Variants in LRMDA observed in about 807,000 individuals in gnomAD.
The protein encoded by LRMDA is leucine rich melanocyte differentiation associated, also known as leucine-rich melanocyte differentiation-associated protein.
In LRMDA, 18 loss-of-function variants were observed where a neutral mutation model predicts 29.8. The observed-to-expected ratio is 0.60, with a 90% CI of 0.42 to 0.90. LRMDA has a LOEUF of 0.90. Among genes scored for constraint, LRMDA ranks in the 40% least tolerant of loss-of-function variants. The pLI is 0.00. For synonymous variants in LRMDA, 125 were observed against 109.4 expected (o/e 1.14, Z -0.89); for missense variants, 273 against 273.9 (o/e 1.00, Z 0.02).
intron 5 of LRMDA, among the ~76,000 whole-genome samples, chr10:76,090,177 G>A (rs944844826): frequency 6.6e-6 from 1 of 152,216 alleles, no homozygotes; most frequent in Non-Finnish European, 1.5e-5. Flanking sequence ...CAGCCCCTCC[G>A]AGCAGTGAGG....
At chr10:76,482,735 T>C (rs1842744073) in intron 6 of LRMDA, among the ~76,000 whole-genome samples, 2 of 151,992 alleles carry the variant, frequency 1.3e-5, no homozygotes, top group Admixed American at 1.3e-4. Flanking sequence ...TGTGCATTTG[T>C]TCAGCATTAG....
At chr10:75,502,439 A>G (rs1165844402) in intron 2 of LRMDA, among the ~76,000 whole-genome samples, 2 of 140,162 alleles carry the variant, frequency 1.4e-5, no homozygotes. Context: ...TTTTTTTTTT[A>G]TTGATCTCTG....
chr10:75,700,256 GTTT>G (rs34497500), intron 2 of LRMDA, among the ~76,000 whole-genome samples: 1,602 of 140,578 alleles, frequency 0.011, 27 homozygotes, highest in African/African-American at 0.036. Flanking sequence ...CTTTGTGTGA[GTTT>G]TTTTTTTTTT....
In LRMDA at chr10:76,063,762, G is replaced by A. The variant is rs1848741040; in HGVS notation, c.516+4979G>A. 3.9e-5 allele frequency among the ~76,000 whole-genome samples: 6 copies of A among 152,270 alleles called. No individual in the cohort carries two copies. The South Asian group carries it at 1.2e-3, about 32-fold the overall frequency. On this transcript the variant is annotated intron_variant, in intron 5 of 6. Coordinates refer to ENST00000611255, the MANE Select transcript of LRMDA (RefSeq NM_001305581.2). ...TCCCACAAATACCCTACATAGTCCT[G>A]CCATTGACTCTTGGAGTTAGGTCCT... is the stretch of plus-strand genomic sequence containing the variant.
chr10:75,475,661 C>T (rs1361029829), intron 2 of LRMDA, among the ~76,000 whole-genome samples: 1 of 152,178 alleles, frequency 6.6e-6, no homozygotes, highest in East Asian at 1.9e-4. Flanking sequence ...AGAATCCTCT[C>T]GTGTTATTTA....
intron 2 of LRMDA, among the ~76,000 whole-genome samples, chr10:75,655,137 A>C (rs1841651887): frequency 6.6e-6 from 1 of 152,228 alleles, no homozygotes; most frequent in African/African-American, 2.4e-5. Context: ...CGACATTTTA[A>C]CGGGTACATG....
At chr10:76,353,330 TTGTGTGTGTGTG>T (rs3998122) in intron 6 of LRMDA, among the ~76,000 whole-genome samples, 15 of 146,190 alleles carry the variant, frequency 1.0e-4, no homozygotes, top group Admixed American at 1.0e-3. Context: ...AGCTGTGGAG[TTGTGTGTGTGTG>T]TGTGTGTGTG....
intron 5 of LRMDA, among the ~76,000 whole-genome samples, chr10:76,162,444 G>C (rs905181955): frequency 3.3e-5 from 5 of 152,062 alleles, no homozygotes; most frequent in Non-Finnish European, 7.4e-5. Context: ...TCTAATTTAC[G>C]AAGAAAAGAC....
chr10:75,986,267 C>T (rs1847260649), intron 2 of LRMDA, among the ~76,000 whole-genome samples: 1 of 152,196 alleles, frequency 6.6e-6, no homozygotes, highest in African/African-American at 2.4e-5. Flanking sequence ...TCTCGTGAAA[C>T]TCTCATATTC....
chr10:76,270,334 A>C (rs1460926921), intron 5 of LRMDA: 1 of 152,198 alleles, frequency 6.6e-6, no homozygotes, highest in Non-Finnish European at 1.5e-5. Flanking sequence ...CCTAAATGTG[A>C]AGATGGCTGG....
intron 5 of LRMDA, among the ~76,000 whole-genome samples, chr10:76,175,894 G>A (rs1011162789): frequency 6.6e-5 from 10 of 152,216 alleles, no homozygotes; most frequent in African/African-American, 1.9e-4. Flanking sequence ...ATGTCAGCAG[G>A]TGATGGCACT....
chr10:75,727,433 T>C lies in LRMDA; in HGVS notation c.131+288939T>C, dbSNP rs116102883. ...TGCATGGAATATGAGTGTTAGGGCA[T>C]CATATTAGAAATTCACAAGACTGAT... On this transcript the variant is annotated intron_variant, in intron 2 of 6. Coordinates refer to ENST00000611255, the MANE Select transcript of LRMDA (RefSeq NM_001305581.2). Among the ~76,000 whole-genome samples, 780 of 152,278 alleles carry C rather than the reference T, an allele frequency of 5.1e-3. 10 individuals carry two copies. The highest frequency in any genetic ancestry group is 0.018 in the African/African-American group (749 of 41,556).
intron 5 of LRMDA, among the ~76,000 whole-genome samples, chr10:76,292,010 A>G (rs1489823561): frequency 1.3e-5 from 2 of 152,168 alleles, no homozygotes; most frequent in Admixed American, 6.6e-5. Context: ...ACATATACAC[A>G]TGAAAATGTC....
chr10:76,478,205 GA>G (rs578191133), intron 6 of LRMDA, among the ~76,000 whole-genome samples: 1 of 151,654 alleles, frequency 6.6e-6, no homozygotes, highest in Non-Finnish European at 1.5e-5. Flanking sequence ...AAATTTACAA[GA>G]AAAAAACAAC....
intron 5 of LRMDA, among the ~76,000 whole-genome samples, chr10:76,160,780 A>G (rs147526091): frequency 6.9e-4 from 105 of 152,312 alleles, no homozygotes; most frequent in African/African-American, 2.4e-3. Flanking sequence ...GAAAGGGTAC[A>G]TAAGCAGGTT....
At chr10:75,485,539 G>A (rs1844900598) in intron 2 of LRMDA, among the ~76,000 whole-genome samples, 1 of 152,010 alleles carries the variant, frequency 6.6e-6, no homozygotes, top group African/African-American at 2.4e-5. Flanking sequence ...TGGCACTACA[G>A]GTGTGTGCCA....
chr10:76,230,281 A>C (rs893097044), intron 5 of LRMDA, among the ~76,000 whole-genome samples: 2 of 152,208 alleles, frequency 1.3e-5, no homozygotes, highest in Non-Finnish European at 2.9e-5. Context: ...GAATTAAGCG[A>C]GTCAGTAGTT....
rs186093930 is a variant in LRMDA, at chr10:75,551,738, C to A, written c.131+113244C>A. On this transcript the variant is annotated intron_variant, in intron 2 of 6. Coordinates refer to ENST00000611255, the MANE Select transcript of LRMDA (RefSeq NM_001305581.2). ...TGAGTCAGCTATTTTTTTTGAGAGG[C>A]TAAAATTAAGAAAAAATTTGCTGGG... Among the ~76,000 whole-genome samples, 558 of 151,916 alleles carry A rather than the reference C, an allele frequency of 3.7e-3. 6 individuals carry two copies. Among genetic ancestry groups the A allele is most frequent in the African/African-American group, 0.013 (536 of 41,390 alleles).
At chr10:76,265,538 A>G (rs1341109142) in intron 5 of LRMDA, among the ~76,000 whole-genome samples, 14 of 152,112 alleles carry the variant, frequency 9.2e-5, no homozygotes. Context: ...AGTGCTCCTC[A>G]CTTTCCACAT....
Sources: gnomAD v4.1 joint callset for allele counts (sites outside exome capture counted in the v4.1 genomes callset) on GRCh38, gnomAD v4.1.1 for gene constraint, MANE v1.5 for transcripts, NCBI Gene and HGNC (gene_info 2026-07-23, HGNC 2026-07-21) for gene names.